BMPR1B: variants seen among roughly 807,000 people sequenced by gnomAD.
The protein encoded by BMPR1B is bone morphogenetic protein receptor type 1B.
BMPR1B carries 12 observed loss-of-function variants against 59.1 expected under a neutral mutation model. That is an observed-to-expected ratio of 0.20 (90% confidence interval 0.13 to 0.33). The LOEUF (loss-of-function observed/expected upper bound fraction) is 0.33, where lower values mean the gene tolerates loss of function less well. Ranked by LOEUF, BMPR1B falls within the 10% of genes least tolerant of loss-of-function variation. The probability of loss-of-function intolerance (pLI) is 1.00; values close to 1 mark genes in which losing one functional copy is unlikely to be tolerated. For missense variants in BMPR1B, 550 were observed against 610.9 expected, an observed-to-expected ratio of 0.90 and a Z score of 1.05; for synonymous variants, 237 against 207.3, an observed-to-expected ratio of 1.14 and a Z score of -1.23.
chr4:94,868,189 G>A (rs894656896), intron 1 of BMPR1B, among the ~76,000 whole-genome samples: 1 of 150,094 alleles, frequency 6.7e-6, no homozygotes, highest in Non-Finnish European at 1.5e-5. Flanking sequence ...TTTCTTTTGA[G>A]ACGGGGTCTC....
chr4:94,932,360 C>T (rs973028988), intron 2 of BMPR1B, among the ~76,000 whole-genome samples: 1 of 151,988 alleles, frequency 6.6e-6, no homozygotes, highest in Non-Finnish European at 1.5e-5. Flanking sequence ...TGGACTTTGC[C>T]CATAAAATAA....
At chr4:94,770,234 A>C (rs1374840492) in intron 1 of BMPR1B, among the ~76,000 whole-genome samples, 2 of 113,794 alleles carry the variant, frequency 1.8e-5, no homozygotes, top group East Asian at 4.1e-4. Flanking sequence ...TTTTTTATTC[A>C]GCAGCAGATA....
chr4:94,802,181 G>T lies in BMPR1B; in HGVS notation c.-183+44113G>T, dbSNP rs1242069104. Among the ~76,000 whole-genome samples the T allele has an allele frequency of 3.3e-5, 5 of 152,266 alleles. No homozygotes were observed. In the East Asian group the frequency reaches 9.7e-4, roughly 29 times the overall value. ...GTGCTGTAGACATGGCATTTACTGGGTGTTTGACTGCTTGCTTTCTCCAGG... is the reference window on the plus strand; with the variant it reads ...GTGCTGTAGACATGGCATTTACTGGTTGTTTGACTGCTTGCTTTCTCCAGG... On this transcript the variant is annotated intron_variant, in intron 1 of 12. Coordinates refer to ENST00000515059, the MANE Select transcript of BMPR1B (RefSeq NM_001203.3).
intron 3 of BMPR1B, among the ~76,000 whole-genome samples, chr4:95,028,083 G>T (rs1724550942): frequency 6.6e-6 from 1 of 152,162 alleles, no homozygotes; most frequent in Non-Finnish European, 1.5e-5. Context: ...CACTAGCATT[G>T]TGTAAGAGGG....
intron 2 of BMPR1B, among the ~76,000 whole-genome samples, chr4:94,943,872 C>G (rs925618878): frequency 6.6e-6 from 1 of 152,134 alleles, no homozygotes; most frequent in African/African-American, 2.4e-5. Context: ...TTTCTCTTCT[C>G]TAATTTGGAA....
At chr4:95,026,164 C>CTTTCTTTCTTTCTT (rs1560603124) in intron 3 of BMPR1B, among the ~76,000 whole-genome samples, 1 of 10,728 alleles carries the variant, frequency 9.3e-5, no homozygotes, top group Admixed American at 9.7e-4. Context: ...CTTTCTTTCT[C>CTTTCTTTCTTTCTT]TTTTTCTCTT....
chr4:94,948,750 G>A (rs535631257), intron 2 of BMPR1B, among the ~76,000 whole-genome samples: 5 of 152,114 alleles, frequency 3.3e-5, no homozygotes, highest in Admixed American at 6.5e-5. Flanking sequence ...CAACAGAATC[G>A]CCTGGGTTAT....
rs111990218 is a variant in BMPR1B, at chr4:94,854,201, G to A, written c.-182-21630G>A. 2.3e-3 allele frequency among the ~76,000 whole-genome samples: 349 copies of A among 152,174 alleles called. 2 individuals carry two copies. The highest frequency in any genetic ancestry group is 7.9e-3 in the African/African-American group (327 of 41,522). ...TCGTATCCTGAAATGATAAAAAATGGACATGATGCTCTACTGTAATTGTAC... is the reference window on the plus strand; with the variant it reads ...TCGTATCCTGAAATGATAAAAAATGAACATGATGCTCTACTGTAATTGTAC... On this transcript the variant is annotated intron_variant, in intron 1 of 12. Coordinates refer to ENST00000515059, the MANE Select transcript of BMPR1B (RefSeq NM_001203.3).
chr4:95,109,052 C>T (rs1421917537), intron 4 of BMPR1B, among the ~76,000 whole-genome samples: 1 of 152,068 alleles, frequency 6.6e-6, no homozygotes, highest in Non-Finnish European at 1.5e-5. Flanking sequence ...GCATATCATT[C>T]CTTGTTTTAC....
intron 2 of BMPR1B, among the ~76,000 whole-genome samples, chr4:94,893,441 G>A (rs745529273): frequency 6.6e-6 from 1 of 151,906 alleles, no homozygotes. Flanking sequence ...GTTGTGTATG[G>A]GCTTCCCAAG....
chr4:95,115,414 T>G (rs899076285), intron 5 of BMPR1B, among the ~76,000 whole-genome samples: 1 of 152,222 alleles, frequency 6.6e-6, no homozygotes, highest in Non-Finnish European at 1.5e-5. Context: ...GCTTGTTGCA[T>G]TAATCCAAGC....
rs1723069827 is a variant in BMPR1B, at chr4:94,793,679, G to T, written c.-183+35611G>T. Among the ~76,000 whole-genome samples, 3 of 145,968 alleles carry T rather than the reference G, an allele frequency of 2.1e-5. No homozygotes were observed. The South Asian group carries it at 6.9e-4, about 33-fold the overall frequency. On this transcript the variant is annotated intron_variant, in intron 1 of 12. Transcript: ENST00000515059. ...TTTCTCCACATCCTCTCCAGCACCT[G>T]TTGTTTCCTGACTTTTTAATGATTG... is the stretch of plus-strand genomic sequence containing the variant.
chr4:95,140,847 G>A (rs1393908362), intron 10 of BMPR1B, among the ~76,000 whole-genome samples: 3 of 152,064 alleles, frequency 2.0e-5, no homozygotes, highest in African/African-American at 7.2e-5. Flanking sequence ...AAACAAAAAA[G>A]GAAAGTGAGT....
At chr4:95,049,419 G>GTTTTTT (rs761496965) in intron 3 of BMPR1B, among the ~76,000 whole-genome samples, 3 of 77,404 alleles carry the variant, frequency 3.9e-5, no homozygotes, top group African/African-American at 5.2e-5. Context: ...CAGCATAAAA[G>GTTTTTT]TTTTTTTTTT....
intron 2 of BMPR1B, among the ~76,000 whole-genome samples, chr4:94,942,483 A>G (rs559745570): frequency 1.3e-5 from 2 of 152,322 alleles, no homozygotes; most frequent in South Asian, 4.1e-4. Context: ...TACTTAGAAA[A>G]AACTATTCTT....
At chr4:94,945,885 A>G (rs184950821) in intron 2 of BMPR1B, among the ~76,000 whole-genome samples, 1 of 152,324 alleles carries the variant, frequency 6.6e-6, no homozygotes, top group Admixed American at 6.5e-5. Context: ...TTAAAAAATT[A>G]ATACTGTGAT....
chr4:95,024,625 C>T lies in BMPR1B; in HGVS notation c.-18+28491C>T, dbSNP rs554665227. ...ATGCCAGTCACAGTATAGATGCTTG[C>T]GACATTGTTGTGAACATGACAAAGT... is the stretch of plus-strand genomic sequence containing the variant. On this transcript the variant is annotated intron_variant, in intron 3 of 12. Coordinates refer to ENST00000515059, the MANE Select transcript of BMPR1B (RefSeq NM_001203.3). Among the ~76,000 whole-genome samples the T allele has an allele frequency of 2.1e-4, 32 of 152,184 alleles. No individual in the cohort carries two copies. In the South Asian group the frequency reaches 4.1e-3, roughly 20 times the overall value.
chr4:95,094,391 T>C (rs1017283941), intron 3 of BMPR1B, among the ~76,000 whole-genome samples: 2 of 150,340 alleles, frequency 1.3e-5, no homozygotes, highest in Non-Finnish European at 3.0e-5. Context: ...GAAAGAGGAA[T>C]TGAGGAAGAG....
intron 1 of BMPR1B, among the ~76,000 whole-genome samples, chr4:94,789,858 T>C (rs1316639817): frequency 1.3e-5 from 2 of 152,134 alleles, no homozygotes; most frequent in Non-Finnish European, 1.5e-5. Context: ...ATGGGTTCAC[T>C]GATAGGTGGA....
Sources: gnomAD v4.1 joint callset for allele counts (sites outside exome capture counted in the v4.1 genomes callset) on GRCh38, gnomAD v4.1.1 for gene constraint, MANE v1.5 for transcripts, NCBI Gene and HGNC (gene_info 2026-07-23, HGNC 2026-07-21) for gene names.